DNAJC14: variants seen among roughly 807,000 people sequenced by gnomAD.
The protein encoded by DNAJC14 is DnaJ heat shock protein family (Hsp40) member C14, also known as dnaJ homolog subfamily C member 14.
A neutral mutation model predicts 68.8 loss-of-function variants in DNAJC14; 12 were observed. The observed-to-expected ratio is 0.17, with a 90% CI of 0.11 to 0.28. The LOEUF (loss-of-function observed/expected upper bound fraction) is 0.28, where lower values mean the gene tolerates loss of function less well. Ranked by LOEUF, DNAJC14 falls within the 10% of genes least tolerant of loss-of-function variation. DNAJC14 has a pLI of 1.00. For missense variants in DNAJC14, 764 were observed against 875.6 expected (o/e 0.87, Z 1.61); for synonymous variants, 350 against 321.5 (o/e 1.09, Z -0.95).
At position 55,822,031 on chromosome 12, in the gene DNAJC14, C is replaced by T. The variant is rs767826374; in HGVS notation, c.2055G>A (p.Lys685=). ...AASKPNSTVP[K]GEAKPKRRKK... ...TCCGCCGCTTAGGTTTGGCTTCTCC[C>T]TTGGGTACTGTGCTGTTGGGCTTAG... The change falls in exon 7 of 7, where the codon AAG becomes AAA. Residue 685 remains lysine, a synonymous_variant. Transcript: ENST00000678005. 6.2e-7 allele frequency: 1 copy of T among 1,614,006 alleles called. No homozygotes were observed. The highest frequency in any genetic ancestry group is 1.1e-5 in the South Asian group (1 of 91,072).
Position 55,827,423 on chromosome 12 carries a change from C to A in DNAJC14, c.1236G>T (p.Gly412=). ...PWVKQNINRQ[G]NAPVASGRYC... ...AGCGCCCACTAGCTACAGGTGCATT[C>A]CCCTGCCTATTAATATTCTGCTTGA... is the stretch of plus-strand genomic sequence containing the variant. The change falls in exon 2 of 7, where the codon GGG becomes GGT. Residue 412 remains glycine, a synonymous_variant. Coordinates refer to ENST00000678005, the MANE Select transcript of DNAJC14 (RefSeq NM_032364.6). The A allele has an allele frequency of 6.2e-7, 1 of 1,611,826 alleles. No individual in the cohort carries two copies.
intron 1 of DNAJC14, 43 bp from the exon 2 acceptor site, chr12:55,828,757 AGAGAG>A (rs1404805992): frequency 4.1e-6 from 6 of 1,450,264 alleles, no homozygotes; most frequent in Non-Finnish European, 5.5e-6. Flanking sequence ...GATGAGACCA[AGAGAG>A]GAATTAAACA....
Position 55,828,132 on chromosome 12 carries a change from G to T in DNAJC14, c.527C>A (p.Ser176Tyr). The T allele has an allele frequency of 6.2e-7, 1 of 1,608,366 alleles. No individual in the cohort carries two copies. Among genetic ancestry groups the T allele is most frequent in the South Asian group, 1.1e-5 (1 of 90,334 alleles). Residue 176 changes from serine to tyrosine, a missense_variant, in exon 2 of 7, where the codon TCT becomes TAT. By Grantham distance (144) the Ser-to-Tyr change is moderately radical (BLOSUM62 -2). Coordinates refer to ENST00000678005, the MANE Select transcript of DNAJC14 (RefSeq NM_032364.6). ...TGAAAAATCACTGGGGAACTTGAGA[G>T]ATTCTTCATCATCATATTCCTCTTC... ...ELEEEYDDEESLKFPSDFSRV... is the reference protein window; with the variant it reads ...ELEEEYDDEEYLKFPSDFSRV...
At chr12:55,826,512 T>C (rs1046156329) in intron 2 of DNAJC14, among the ~76,000 whole-genome samples, 3 of 151,990 alleles carry the variant, frequency 2.0e-5, no homozygotes, top group Non-Finnish European at 2.9e-5. Flanking sequence ...CCTAAGACTA[T>C]GTTAACCAGC....
chr12:55,828,629 C>T lies in DNAJC14; in HGVS notation c.30G>A (p.Gly10=), dbSNP rs770469642. Residue 10 remains glycine (G), a synonymous_variant, in exon 2 of 7, where the codon GGG becomes GGA. Transcript: ENST00000678005. MAQKHPGER[G]LYGAHHSGGA... is the part of the protein sequence containing the mutation. ...CACCACTGTGGTGGGCTCCATACAA[C>T]CCTCTTTCTCCGGGGTGCTTCTGGG... 6.2e-7 allele frequency: 1 copy of T among 1,613,710 alleles called. No individual in the cohort carries two copies. Among genetic ancestry groups the T allele is most frequent in the East Asian group, 2.2e-5 (1 of 44,862 alleles).
At chr12:55,830,607 A>G (rs181837340), upstream of DNAJC14, 89 of 152,400 alleles carry the variant, frequency 5.8e-4, no homozygotes, top group African/African-American at 2.1e-3. Context: ...TGGGACCCCT[A>G]TTGGGGCTTT....
In DNAJC14 at chr12:55,822,439, T is replaced by G; in HGVS notation, c.1832A>C (p.Asp611Ala). Reference protein sequence around the residue: ...AGCQRVGISPDTHRVPYHISF... With the variant: ...AGCQRVGISPATHRVPYHISF... ...GATGTGATAGGGGACTCTGTGGGTA[T>G]CTGGGGAGATACCTACACGCTGGCA... The change falls in exon 6 of 7, where the codon GAT (aspartate) becomes GCT (alanine). Residue 611 changes from aspartate (D) to alanine (A), a missense_variant. Physicochemically the swap from Asp to Ala is moderately radical, Grantham distance 126. This residue lies in a region of DNAJC14 where 134 missense variants were observed against 162.3 expected (regional missense o/e 0.83). Transcript: ENST00000678005. The G allele has an allele frequency of 1.9e-6, 3 of 1,613,868 alleles. No homozygotes were observed. Among genetic ancestry groups the G allele is most frequent in the Non-Finnish European group, 2.5e-6 (3 of 1,180,036 alleles).
chr12:55,825,164 G>A (rs1217326254), intron 2 of DNAJC14, among the ~76,000 whole-genome samples: 2 of 148,604 alleles, frequency 1.3e-5, no homozygotes, highest in Admixed American at 6.7e-5. Context: ...AATATACCAA[G>A]CTACCTACTA....
upstream of DNAJC14, chr12:55,830,424 C>T (rs1341125430): frequency 6.6e-6 from 1 of 152,256 alleles, no homozygotes; most frequent in African/African-American, 2.4e-5. Flanking sequence ...ACGCCTCTAG[C>T]CTTATACCCC....
In DNAJC14 at chr12:55,822,119, C is replaced by A. The variant is rs769340949; in HGVS notation, c.1967G>T (p.Gly656Val). 1 of 1,610,364 alleles carries A rather than the reference C, an allele frequency of 6.2e-7. No homozygotes were observed. Among genetic ancestry groups the A allele is most frequent in the Non-Finnish European group, 8.5e-7 (1 of 1,178,804 alleles). The change falls in exon 7 of 7, where the codon GGG becomes GTG. Residue 656 changes from glycine to valine, a missense_variant. Transcript: ENST00000678005. Reference sequence around the variant, plus strand: ...AAAGAAGTTCCCATTGGGCATCTGCCCTGGGGGTACTTGAAAGATCCGACT... The same window carrying A: ...AAAGAAGTTCCCATTGGGCATCTGCACTGGGGGTACTTGAAAGATCCGACT... Reference protein sequence around the residue: ...FLSRIFQVPPGQMPNGNFFAA... With the variant: ...FLSRIFQVPPVQMPNGNFFAA...
At chr12:55,822,293 G>C (rs1880688375) in intron 6 of DNAJC14, 80 bp downstream of exon 6, 1 of 1,550,926 alleles carries the variant, frequency 6.4e-7, no homozygotes. Flanking sequence ...AAGGCCCCTG[G>C]GTGTCCTAAA....
At chr12:55,822,248 G>A in intron 6 of DNAJC14, 61 bp from the exon 7 acceptor site, 1 of 1,530,412 alleles carries the variant, frequency 6.5e-7, no homozygotes, top group Non-Finnish European at 8.8e-7. Flanking sequence ...ACCTAAGTTA[G>A]ATATACTTAT....
intron 2 of DNAJC14, among the ~76,000 whole-genome samples, chr12:55,824,754 G>A (rs920924968): frequency 8.5e-5 from 13 of 152,140 alleles, no homozygotes; most frequent in Non-Finnish European, 1.8e-4. Flanking sequence ...AAAACAGGAT[G>A]TCTACTAAAA....
intron 2 of DNAJC14, 150 bp from the exon 3 acceptor site, chr12:55,823,658 CAATT>C: frequency 2.1e-6 from 1 of 474,954 alleles, no homozygotes. Flanking sequence ...AGATCTGGTT[CAATT>C]CATGGCTCTG....
At position 55,821,878 on chromosome 12, in the gene DNAJC14, CA is replaced by C. The variant is rs1880675253; in HGVS notation, c.*98del. On this transcript the variant is annotated 3_prime_UTR_variant, in exon 7 of 7. Coordinates refer to ENST00000678005, the MANE Select transcript of DNAJC14 (RefSeq NM_032364.6). ...CTCAAAAAATAAAAAGAAAAAGATT[CA>C]GTTCCTAGGTGTTGGGGGAGGAGGG... 7.9e-7 allele frequency: 1 copy of C among 1,261,306 alleles called. No homozygotes were observed. The allele number at this position is 1,261,306 out of a possible 1,614,324, so 78.1% of individuals were successfully genotyped here.
Position 55,821,899 on chromosome 12 carries a change from G to A in DNAJC14, c.*78C>T, listed in dbSNP as rs1880675585. 5 of 1,409,196 alleles carry A rather than the reference G, an allele frequency of 3.5e-6. No homozygotes were observed. In the East Asian group the frequency reaches 1.2e-4, roughly 33 times the overall value. The allele number at this position is 1,409,196 out of a possible 1,614,324, so 87.3% of individuals were successfully genotyped here. On this transcript the variant is annotated 3_prime_UTR_variant, in exon 7 of 7. Transcript: ENST00000678005. ...GATTCAGTTCCTAGGTGTTGGGGGA[G>A]GAGGGATAAATCAAACTCCATCCTG... is the stretch of plus-strand genomic sequence containing the variant.
Position 55,823,412 on chromosome 12 carries a change from C to T in DNAJC14, c.1504G>A (p.Glu502Lys). The change falls in exon 3 of 7, where the codon GAG becomes AAG. Residue 502 changes from glutamate to lysine, a missense_variant. By Grantham distance (56) the Glu-to-Lys change is moderately conservative. Around this residue, in one of 4 missense-constraint regions of DNAJC14, gnomAD observed 110 missense variants for 162.7 expected, o/e 0.68. Coordinates refer to ENST00000678005, the MANE Select transcript of DNAJC14 (RefSeq NM_032364.6). Reference sequence around the variant, plus strand: ...CCATCTCCAACTTACATCTCATACTCCTTTCGCTTTTCAGCATTGCTGACA... The same window carrying T: ...CCATCTCCAACTTACATCTCATACTTCTTTCGCTTTTCAGCATTGCTGACA... The part of the protein sequence containing the change: ...DIVSNAEKRK[E>K]YEMKRMAENE... 6.2e-7 allele frequency: 1 copy of T among 1,614,234 alleles called. No individual in the cohort carries two copies. The highest frequency in any genetic ancestry group is 8.5e-7 in the Non-Finnish European group (1 of 1,180,038).
upstream of DNAJC14, chr12:55,830,688 ACT>A (rs756149204): frequency 6.6e-6 from 1 of 152,016 alleles, no homozygotes; most frequent in Non-Finnish European, 1.5e-5. Context: ...GACCCTCAAG[ACT>A]CTTACCTGCT....
chr12:55,829,511 C>T lies in DNAJC14; in HGVS notation c.-79G>A, dbSNP rs1880911438. On this transcript the variant is annotated 5_prime_UTR_variant, in exon 1 of 7. Transcript: ENST00000678005. ...TACCGAAGAACGGCGGTAACTCCTC[C>T]CCCTCGAGCCGCCCGGCCTGGGGCC... The T allele has an allele frequency of 2.0e-6, 2 of 985,262 alleles. No individual in the cohort carries two copies. The highest frequency in any genetic ancestry group is 9.4e-5 in the South Asian group (2 of 21,296). The allele number at this position is 985,262 out of a possible 1,614,324, so 61.0% of individuals were successfully genotyped here. A position where few individuals can be genotyped will look rare whatever the true frequency, so the allele number is the denominator to read the frequency against.
Sources: gnomAD v4.1 joint callset for allele counts (sites outside exome capture counted in the v4.1 genomes callset) on GRCh38, gnomAD v4.1.1 for gene constraint, gnomAD v4.1.1 regional missense constraint, MANE v1.5 for transcripts, NCBI Gene and HGNC (gene_info 2026-07-23, HGNC 2026-07-21) for gene names.